The following KYAT1 variants were observed in gnomAD, a reference collection of about 807,000 sequenced individuals.
The protein encoded by KYAT1 is kynurenine--oxoglutarate transaminase 1.
A neutral mutation model predicts 52.4 loss-of-function variants in KYAT1; 47 were observed. The observed-to-expected ratio is 0.90, with a 90% confidence interval of 0.71 to 1.14. The LOEUF (loss-of-function observed/expected upper bound fraction) is 1.14, where lower values mean the gene tolerates loss of function less well. Among genes scored for constraint, KYAT1 ranks in the 50% most tolerant of loss-of-function variants. KYAT1 has a pLI of 0.00. For synonymous variants in KYAT1, 212 were observed against 209.6 expected (o/e 1.01, Z -0.10); for missense variants, 480 against 557.9 (o/e 0.86, Z 1.41).
chr9:128,880,731 CG>C (rs1564511156), intron 1 of KYAT1, among the ~76,000 whole-genome samples: 1 of 152,050 alleles, frequency 6.6e-6, no homozygotes, highest in African/African-American at 2.4e-5. Flanking sequence ...TGTGAACCAC[CG>C]CGCCCGGCCC....
In KYAT1 at chr9:128,857,406, C is replaced by T. The variant is rs551096804; in HGVS notation, c.-6-11995G>A. On this transcript the variant is annotated intron_variant, in intron 1 of 12. Coordinates refer to ENST00000302586, the MANE Select transcript of KYAT1 (RefSeq NM_004059.5). The stretch of plus-strand genomic sequence containing the variant: ...TGTCTTACTTCTTTTCTCAGTCTCT[C>T]GTCCCACCTGATGAGATACCCACAG... Among the ~76,000 whole-genome samples, 6 of 152,174 alleles carry T rather than the reference C, an allele frequency of 3.9e-5. 1 individual carries two copies. The highest frequency in any genetic ancestry group is 4.1e-4 in the South Asian group (2 of 4,828).
At chr9:128,849,519 G>C (rs1833619122) in intron 1 of KYAT1, among the ~76,000 whole-genome samples, 1 of 151,932 alleles carries the variant, frequency 6.6e-6, no homozygotes, top group African/African-American at 2.4e-5. Flanking sequence ...TTTGGGGCCA[G>C]GCGTGGCAGC....
intron 1 of KYAT1, among the ~76,000 whole-genome samples, chr9:128,870,293 G>A (rs920926657): frequency 6.6e-6 from 1 of 152,146 alleles, no homozygotes; most frequent in African/African-American, 2.4e-5. Flanking sequence ...ATATTATTCA[G>A]CCACAAAATG....
At chr9:128,846,243 A>G (rs1343776242) in intron 1 of KYAT1, among the ~76,000 whole-genome samples, 1 of 152,246 alleles carries the variant, frequency 6.6e-6, no homozygotes, top group East Asian at 1.9e-4. Flanking sequence ...AGCCTGGCCA[A>G]CATGGTGAAA....
chr9:128,880,296 T>C (rs183706382), intron 1 of KYAT1, among the ~76,000 whole-genome samples: 15 of 152,296 alleles, frequency 9.8e-5, no homozygotes, highest in Admixed American at 3.3e-4. Flanking sequence ...AAATAGTTAC[T>C]GGATGCCTGT....
At chr9:128,876,567 GCCACCACGC>G (rs1838068998) in intron 1 of KYAT1, among the ~76,000 whole-genome samples, 8 of 149,476 alleles carry the variant, frequency 5.4e-5, no homozygotes, top group African/African-American at 2.0e-4. Context: ...ACAGGCGCCC[GCCACCACGC>G]CCTGCTAATT....
Position 128,848,202 on chromosome 9 carries a change from C to T in KYAT1, c.-6-2791G>A, listed in dbSNP as rs368280328. Among the ~76,000 whole-genome samples the T allele has an allele frequency of 1.1e-4, 17 of 151,746 alleles. No homozygotes were observed. The South Asian group carries it at 3.5e-3, about 32-fold the overall frequency. ...GGTGTGATGGTGCACACCTGTAGTC[C>T]CAGCTACTGGGGAAGCTAAAGTGGG... On this transcript the variant is annotated intron_variant, in intron 1 of 12. Coordinates refer to ENST00000302586, the MANE Select transcript of KYAT1 (RefSeq NM_004059.5).
intron 7 of KYAT1, among the ~76,000 whole-genome samples, 193 bp from the exon 8 acceptor site, chr9:128,836,266 T>C (rs887454631): frequency 6.7e-6 from 1 of 150,022 alleles, no homozygotes; most frequent in African/African-American, 2.4e-5. Context: ...TCTCTCTCTC[T>C]CTCCCTCCCT....
At chr9:128,847,365 A>T in intron 1 of KYAT1, 1 of 1,074,070 alleles carries the variant, frequency 9.3e-7, no homozygotes, top group Non-Finnish European at 1.4e-6. Flanking sequence ...CTTTGAAGCC[A>T]GGAACGAGCC....
chr9:128,839,665 A>G (rs1831784869), intron 3 of KYAT1, among the ~76,000 whole-genome samples: 1 of 152,234 alleles, frequency 6.6e-6, no homozygotes, highest in Non-Finnish European at 1.5e-5. Flanking sequence ...AAAATACTCA[A>G]GGCTAAGCCA....
rs67073521 is a variant in KYAT1 at position 128,858,395 on chromosome 9, T to TTAAAAAAAAAAAAAA, written c.-6-12985_-6-12984insTTTTTTTTTTTTTTA. ...CTGGGCAACAGAGTGAGACCATGTA[T>TTAAAAAAAAAAAAAA]AAAAAAAAAAAAAAAAAAAAGCCCG... On this transcript the variant is annotated intron_variant, in intron 1 of 12. Coordinates refer to ENST00000302586, the MANE Select transcript of KYAT1 (RefSeq NM_004059.5). 4.6e-5 allele frequency among the ~76,000 whole-genome samples: 3 copies of TTAAAAAAAAAAAAAA among 65,102 alleles called. 1 individual carries two copies. Among genetic ancestry groups the TTAAAAAAAAAAAAAA allele is most frequent in the Non-Finnish European group, 7.3e-5 (3 of 41,054 alleles). The allele number at this position is 65,102 out of a possible 152,430, so 42.7% of individuals were successfully genotyped here. A position where few individuals can be genotyped will look rare whatever the true frequency, so the allele number is the denominator to read the frequency against.
chr9:128,862,303 G>C (rs1835570321), intron 1 of KYAT1, among the ~76,000 whole-genome samples: 1 of 152,150 alleles, frequency 6.6e-6, no homozygotes, highest in Non-Finnish European at 1.5e-5. Flanking sequence ...ACTTGGCCAA[G>C]AATAATATTA....
chr9:128,855,061 G>A (rs965760665), intron 1 of KYAT1, among the ~76,000 whole-genome samples: 3 of 152,136 alleles, frequency 2.0e-5, no homozygotes, highest in Admixed American at 6.5e-5. Flanking sequence ...TAGGCCTAAG[G>A]GGACCTTGCC....
rs971663714 is a variant in KYAT1, at chr9:128,845,300, C to T, written c.53+53G>A. 11 of 1,529,030 alleles carry T rather than the reference C, an allele frequency of 7.2e-6. No individual in the cohort carries two copies. The African/African-American group carries it at 1.5e-4, about 21-fold the overall frequency. The allele number at this position is 1,529,030 out of a possible 1,614,324, so 94.7% of individuals were successfully genotyped here. A position where few individuals can be genotyped will look rare whatever the true frequency, so the allele number is the denominator to read the frequency against. ...TGAGTTGCTGTAAACCCAGGGATGG[C>T]CAACCCATGCCCGAGGGGACACCCA... On this transcript the variant is annotated intron_variant, in intron 2 of 12. Coordinates refer to ENST00000302586, the MANE Select transcript of KYAT1 (RefSeq NM_004059.5).
rs201234568 is a variant in KYAT1 at position 128,835,146 on chromosome 9, A to AG, written c.1122+176_1122+177insC. 928 of 638,044 alleles carry AG rather than the reference A, an allele frequency of 1.5e-3. 10 individuals are homozygous for AG. In the African/African-American group the frequency reaches 0.015, roughly 11 times the overall value. The allele number at this position is 638,044 out of a possible 1,614,324, so 39.5% of individuals were successfully genotyped here. On this transcript the variant is annotated intron_variant, in intron 11 of 12. Coordinates refer to ENST00000302586, the MANE Select transcript of KYAT1 (RefSeq NM_004059.5). Reference sequence around the variant, plus strand: ...TGAGACTCCATCTCAACCAAAAAAAAAAAAGAAAGAAAAAAAGAAACAGCC... The same window carrying AG: ...TGAGACTCCATCTCAACCAAAAAAAAGAAAAGAAAGAAAAAAAGAAACAGCC...
At chr9:128,870,625 A>G (rs1837095009) in intron 1 of KYAT1, among the ~76,000 whole-genome samples, 1 of 152,168 alleles carries the variant, frequency 6.6e-6, no homozygotes, top group Non-Finnish European at 1.5e-5. Flanking sequence ...CAACAGAGCA[A>G]GACCCTGTCA....
At chr9:128,853,457 T>C (rs1262565710) in intron 1 of KYAT1, among the ~76,000 whole-genome samples, 1 of 152,138 alleles carries the variant, frequency 6.6e-6, no homozygotes, top group Non-Finnish European at 1.5e-5. Flanking sequence ...TGTTACAAGG[T>C]TTTAATCAGC....
chr9:128,837,915 CA>C, intron 5 of KYAT1, 102 bp from the exon 6 acceptor site: 1 of 1,488,630 alleles, frequency 6.7e-7, no homozygotes, highest in Non-Finnish European at 9.4e-7. Context: ...TCCCAACACA[CA>C]CACCTCCCCT....
chr9:128,842,758 A>G lies in KYAT1; in HGVS notation c.97T>C (p.Leu33=), dbSNP rs1169578446. 2 of 1,614,150 alleles carry G rather than the reference A, an allele frequency of 1.2e-6. No homozygotes were observed. The highest frequency in any genetic ancestry group is 3.3e-5 in the Admixed American group (2 of 60,014). The change falls in exon 3 of 13, where the codon TTG becomes CTG. Residue 33 remains leucine, a synonymous_variant. Coordinates refer to ENST00000302586, the MANE Select transcript of KYAT1 (RefSeq NM_004059.5). ...KLASEHDVVN[L]GQGFPDFPPP... is the part of the protein sequence containing the mutation. ...GGGAAATCCGGGAAGCCCTGGCCCAAGTTCACGACGTCATGCTCACTGGCC... is the reference window on the plus strand; with the variant it reads ...GGGAAATCCGGGAAGCCCTGGCCCAGGTTCACGACGTCATGCTCACTGGCC...
Sources: allele counts gnomAD v4.1 joint callset (sites outside exome capture counted in the v4.1 genomes callset), GRCh38; gene constraint gnomAD v4.1.1; transcripts MANE v1.5; gene names NCBI Gene and HGNC (gene_info 2026-07-23, HGNC 2026-07-21).